The following ICAM5 variants were observed in gnomAD, a reference collection of about 807,000 sequenced individuals.
ICAM5 encodes intercellular adhesion molecule 5.
In ICAM5, 38 loss-of-function variants were observed where a neutral mutation model predicts 78.8. The observed-to-expected ratio is 0.48, with a 90% CI of 0.37 to 0.63. The LOEUF is 0.63. Among genes scored for constraint, ICAM5 ranks in the 30% least tolerant of loss-of-function variants. The probability of loss-of-function intolerance (pLI) is 0.00; values close to 1 mark genes in which losing one functional copy is unlikely to be tolerated. For synonymous variants in ICAM5, 544 were observed against 590.9 expected, an observed-to-expected ratio of 0.92 and a Z score of 1.15; for missense variants, 1,059 against 1,303.0, an observed-to-expected ratio of 0.81 and a Z score of 2.88.
At position 10,295,611 on chromosome 19, in the gene ICAM5, C is replaced by T; in HGVS notation, c.2496C>T (p.Ala832=). The change falls in exon 10 of 11, where the codon GCC becomes GCT. Residue 832 remains alanine (A), a splice_region_variant and synonymous_variant. Transcript: ENST00000221980. The stretch of plus-strand genomic sequence containing the variant: ...CGCGGCGCATCACGGTGCGCGTGGC[C>T]GGTAAGTGGCAGCTGGGGAGAGGCG... The part of the protein sequence containing the change: ...RHARRITVRV[A]GPWLWVAVGG... The T allele has an allele frequency of 1.3e-6, 2 of 1,539,344 alleles. No homozygotes were observed. Among genetic ancestry groups the T allele is most frequent in the Non-Finnish European group, 1.7e-6 (2 of 1,144,682 alleles).
chr19:10,294,260 C>T lies in ICAM5; in HGVS notation c.1932C>T (p.Val644=). 2 of 1,613,890 alleles carry T rather than the reference C, an allele frequency of 1.2e-6. No individual in the cohort carries two copies. Among genetic ancestry groups the T allele is most frequent in the Non-Finnish European group, 1.7e-6 (2 of 1,180,014 alleles). Residue 644 remains valine, a synonymous_variant, in exon 8 of 11, where the codon GTC becomes GTT. Transcript: ENST00000221980. The surrounding 1 kb of genome is among the most constrained non-coding windows in gnomAD (Gnocchi z 7.7). Reference sequence around the variant, plus strand: ...GAGTCCTGGCACCCGGTATCTACGTCTGCAACGCCACCAACCGCCACGGCT... The same window carrying T: ...GAGTCCTGGCACCCGGTATCTACGTTTGCAACGCCACCAACCGCCACGGCT... ...IPRVLAPGIY[V]CNATNRHGSV...
intron 10 of ICAM5, 118 bp downstream of exon 10, chr19:10,295,730 G>C: frequency 1.6e-6 from 2 of 1,212,550 alleles, no homozygotes; most frequent in Non-Finnish European, 2.2e-6. Context: ...ACGGAAGTGG[G>C]ACAGAGTAGA....
At chr19:10,291,899 G>A in intron 3 of ICAM5, 90 bp downstream of exon 3, 2 of 1,497,342 alleles carry the variant, frequency 1.3e-6, no homozygotes, top group Non-Finnish European at 1.8e-6. Context: ...TGCTGACCCC[G>A]ACTTCAACCC....
intron 10 of ICAM5, 31 bp downstream of exon 10, chr19:10,295,643 G>A: frequency 6.6e-7 from 1 of 1,525,486 alleles, no homozygotes; most frequent in Non-Finnish European, 8.8e-7. Context: ...GGCGGGGCGA[G>A]GTATCTGAGA....
chr19:10,290,334 C>T lies in ICAM5; in HGVS notation c.82+209C>T. The T allele has an allele frequency of 2.0e-6, 1 of 499,384 alleles. No individual in the cohort carries two copies. The highest frequency in any genetic ancestry group is 3.5e-6 in the Non-Finnish European group (1 of 282,554). The allele number at this position is 499,384 out of a possible 1,614,324, so 30.9% of individuals were successfully genotyped here. On this transcript the variant is annotated intron_variant, in intron 1 of 10. Transcript: ENST00000221980. The surrounding 1 kb of genome is among the most constrained non-coding windows in gnomAD (Gnocchi z 5.7). ...ACTCCTCGATAGCCCCTACCCGCTT[C>T]GAGATCCTAGGTGTTCTTCCGCACC...
At position 10,290,492 on chromosome 19, in the gene ICAM5, C is replaced by T. The variant is rs2145026533; in HGVS notation, c.82+367C>T. On this transcript the variant is annotated intron_variant, in intron 1 of 10. Coordinates refer to ENST00000221980, the MANE Select transcript of ICAM5 (RefSeq NM_003259.4). The surrounding 1 kb of genome is among the most constrained non-coding windows in gnomAD (Gnocchi z 5.7). ...GTCCGCGAAGACTCCATCTCTCCAA[C>T]TACCCTGACTCAGAGGCGCTGTTCC... is the stretch of plus-strand genomic sequence containing the variant. The T allele has an allele frequency of 4.1e-6, 1 of 245,810 alleles. No individual in the cohort carries two copies. Among genetic ancestry groups the T allele is most frequent in the Admixed American group, 5.1e-5 (1 of 19,720 alleles). 15.2% of individuals were successfully genotyped at this position (245,810 alleles called of 1,614,324 possible).
Position 10,294,180 on chromosome 19 carries a change from G to A in ICAM5, c.1852G>A (p.Val618Met), listed in dbSNP as rs763538042. 14 of 1,613,774 alleles carry A rather than the reference G, an allele frequency of 8.7e-6. No individual in the cohort carries two copies. The highest frequency in any genetic ancestry group is 1.1e-5 in the Non-Finnish European group (13 of 1,179,988). ...GGGCTCCGGGGGCGCCACTGAGGGG[G>A]TGCTGCTGCCGCTGGCACCCCCAGA... ...CVGSGGATEG[V>M]LLPLAPPDPS... The change falls in exon 8 of 11, where the codon GTG (valine) becomes ATG (methionine). Residue 618 changes from valine to methionine, a missense_variant. Val to Met is a conservative substitution (Grantham distance 21). Around this residue, in one of 3 missense-constraint regions of ICAM5, gnomAD observed 815 missense variants for 952.8 expected, o/e 0.86. Coordinates refer to ENST00000221980, the MANE Select transcript of ICAM5 (RefSeq NM_003259.4). The surrounding 1 kb of genome is among the most constrained non-coding windows in gnomAD (Gnocchi z 7.7).
In ICAM5 at chr19:10,295,028, G is replaced by T. The variant is rs563635509; in HGVS notation, c.2231-318G>T. On this transcript the variant is annotated intron_variant, in intron 9 of 10. Transcript: ENST00000221980. ...GCCGAGATCCCGCCACTGCACTCCA[G>T]CCTGGGCAACAGAGTGAGACTCTTT... 1.1e-4 allele frequency among the ~76,000 whole-genome samples: 17 copies of T among 152,322 alleles called. 1 individual carries two copies. In the East Asian group the frequency reaches 3.1e-3, roughly 28 times the overall value.
chr19:10,291,073 G>T lies in ICAM5; in HGVS notation c.84G>T (p.Ala28=). ...ALGLGLFGLS[A]VSQEPFWADL... ...CTCAGCCCGCGTTTCCCTGGGCAGCGGTCTCGCAGGAGCCCTTCTGGGCGG... is the reference window on the plus strand; with the variant it reads ...CTCAGCCCGCGTTTCCCTGGGCAGCTGTCTCGCAGGAGCCCTTCTGGGCGG... The change falls in exon 2 of 11, where the codon GCG becomes GCT. Residue 28 remains alanine (A), a splice_region_variant and synonymous_variant. Transcript: ENST00000221980. The T allele has an allele frequency of 1.9e-6, 3 of 1,605,172 alleles. No homozygotes were observed. Among genetic ancestry groups the T allele is most frequent in the Non-Finnish European group, 2.6e-6 (3 of 1,175,486 alleles).
Position 10,290,068 on chromosome 19 carries a change from C to T in ICAM5, c.25C>T (p.Arg9Cys). ...GATGCCAGGGCCTTCGCCAGGGCTG[C>T]GCCGGGCGCTACTCGGCCTCTGGGC... MPGPSPGLRRALLGLWAAL... is the reference protein window; with the variant it reads MPGPSPGLCRALLGLWAAL... The change falls in exon 1 of 11, where the codon CGC becomes TGC. Residue 9 changes from arginine (R) to cysteine (C), a missense_variant. Physicochemically the swap from Arg to Cys is radical, Grantham distance 180. Around this residue, in one of 3 missense-constraint regions of ICAM5, gnomAD observed 815 missense variants for 952.8 expected, o/e 0.86. Coordinates refer to ENST00000221980, the MANE Select transcript of ICAM5 (RefSeq NM_003259.4). This position sits in a 1 kb window ranked among gnomAD's most constrained non-coding sequence, Gnocchi z 5.7. 6.5e-7 allele frequency: 1 copy of T among 1,542,708 alleles called. No homozygotes were observed.
rs1279739826 is a variant in ICAM5 at position 10,295,252 on chromosome 19, G to A, written c.2231-94G>A. The A allele has an allele frequency of 5.2e-6, 7 of 1,350,808 alleles. No individual in the cohort carries two copies. The East Asian group carries it at 8.0e-5, about 16-fold the overall frequency. The allele number at this position is 1,350,808 out of a possible 1,614,324, so 83.7% of individuals were successfully genotyped here. On this transcript the variant is annotated intron_variant, in intron 9 of 10. Coordinates refer to ENST00000221980, the MANE Select transcript of ICAM5 (RefSeq NM_003259.4). Reference sequence around the variant, plus strand: ...ATCCTCTTCTGCCCATCAGAGGCGCGGTGGTCTCCCATCGATCGTTGTGGG... The same window carrying A: ...ATCCTCTTCTGCCCATCAGAGGCGCAGTGGTCTCCCATCGATCGTTGTGGG...
chr19:10,295,218 G>C lies in ICAM5; in HGVS notation c.2231-128G>C, dbSNP rs1325757864. ...ATTGTCGGGGAAGGAGGCTCTGATA[G>C]GAGGCAGGATCCTCTTCTGCCCATC... On this transcript the variant is annotated intron_variant, in intron 9 of 10. Transcript: ENST00000221980. 5.7e-6 allele frequency: 6 copies of C among 1,049,748 alleles called. No homozygotes were observed. In the East Asian group the frequency reaches 8.5e-5, roughly 15 times the overall value. The allele number at this position is 1,049,748 out of a possible 1,614,324, so 65.0% of individuals were successfully genotyped here. A position where few individuals can be genotyped will look rare whatever the true frequency, so the allele number is the denominator to read the frequency against.
chr19:10,293,165 C>T lies in ICAM5; in HGVS notation c.1384C>T (p.Arg462Trp), dbSNP rs1196172489. The T allele has an allele frequency of 2.5e-6, 4 of 1,611,428 alleles. No homozygotes were observed. The highest frequency in any genetic ancestry group is 3.4e-6 in the Non-Finnish European group (4 of 1,179,166). ...TCTGGGCCTGCTGGGTCCAGTCACT[C>T]GGGCGCTCTCAGGCACTTACCGCTG... ...LALGLLGPVT[R>W]ALSGTYRCKA... is the part of the protein sequence containing the mutation. The change falls in exon 6 of 11, where the codon CGG (arginine) becomes TGG (tryptophan). Residue 462 changes from arginine to tryptophan, a missense_variant. Physicochemically the swap from Arg to Trp is moderately radical, Grantham distance 101 (BLOSUM62 -3). Around this residue, in one of 3 missense-constraint regions of ICAM5, gnomAD observed 815 missense variants for 952.8 expected, o/e 0.86. Transcript: ENST00000221980. This position sits in a 1 kb window ranked among gnomAD's most constrained non-coding sequence, Gnocchi z 5.0.
At position 10,296,610 on chromosome 19, in the gene ICAM5, G is replaced by T. The variant is rs188344435; in HGVS notation, c.2769G>T (p.Ser923=). Residue 923 remains serine, a synonymous_variant, in exon 11 of 11, where the codon TCG becomes TCT. Coordinates refer to ENST00000221980, the MANE Select transcript of ICAM5 (RefSeq NM_003259.4). The part of the protein sequence containing the change: ...EGEVFAIQLT[S]A Reference sequence around the variant, plus strand: ...AGGTCTTCGCCATACAGCTGACATCGGCGTGAGCCCGCTCCCCTCTCCCCG... The same window carrying T: ...AGGTCTTCGCCATACAGCTGACATCTGCGTGAGCCCGCTCCCCTCTCCCCG... The T allele has an allele frequency of 5.4e-5, 66 of 1,211,776 alleles. No homozygotes were observed. In the East Asian group the frequency reaches 2.0e-3, roughly 37 times the overall value. 75.1% of individuals were successfully genotyped at this position (1,211,776 alleles called of 1,614,324 possible).
Position 10,292,694 on chromosome 19 carries a change from C to T in ICAM5, c.1044C>T (p.Ala348=). 6.2e-7 allele frequency: 1 copy of T among 1,612,454 alleles called. No homozygotes were observed. Among genetic ancestry groups the T allele is most frequent in the Non-Finnish European group, 8.5e-7 (1 of 1,179,580 alleles). ...TGACAGTAACCTGCGCAGCTGGGGCCCAAGCTCTGGTCACACTGGAGGGAG... is the reference window on the plus strand; with the variant it reads ...TGACAGTAACCTGCGCAGCTGGGGCTCAAGCTCTGGTCACACTGGAGGGAG... The part of the protein sequence containing the change: ...QMVTVTCAAG[A]QALVTLEGVP... The change falls in exon 5 of 11, where the codon GCC becomes GCT. Residue 348 remains alanine, a synonymous_variant. Transcript: ENST00000221980.
At chr19:10,295,684 G>A in intron 10 of ICAM5, 72 bp downstream of exon 10, 1 of 1,443,010 alleles carries the variant, frequency 6.9e-7, no homozygotes, top group Non-Finnish European at 9.2e-7. Context: ...GGGGCGGCCG[G>A]CCCCGCCTGC....
At position 10,293,622 on chromosome 19, in the gene ICAM5, T is replaced by C; in HGVS notation, c.1466-76T>C. 5 of 1,548,826 alleles carry C rather than the reference T, an allele frequency of 3.2e-6. No homozygotes were observed. The highest frequency in any genetic ancestry group is 2.4e-5 in the South Asian group (2 of 82,306). ...CAGGGACAACACTTCGTGGAAGCCT[T>C]GCCGCGCCAAGGAGGGTCTAGGGAC... is the stretch of plus-strand genomic sequence containing the variant. On this transcript the variant is annotated intron_variant, in intron 6 of 10. Transcript: ENST00000221980. The surrounding 1 kb of genome is among the most constrained non-coding windows in gnomAD (Gnocchi z 5.0).
At position 10,290,418 on chromosome 19, in the gene ICAM5, C is replaced by A. The variant is rs547914396; in HGVS notation, c.82+293C>A. On this transcript the variant is annotated intron_variant, in intron 1 of 10. Transcript: ENST00000221980. This position sits in a 1 kb window ranked among gnomAD's most constrained non-coding sequence, Gnocchi z 5.7. The stretch of plus-strand genomic sequence containing the variant: ...TGTCCGCTCCCCGGGTACCTCCTTA[C>A]GCTGTGCTGTGCACCATGGTCCACG... 2 of 398,298 alleles carry A rather than the reference C, an allele frequency of 5.0e-6. No individual in the cohort carries two copies. The highest frequency in any genetic ancestry group is 9.0e-6 in the Non-Finnish European group (2 of 221,130). 24.7% of individuals were successfully genotyped at this position (398,298 alleles called of 1,614,324 possible). A position where few individuals can be genotyped will look rare whatever the true frequency, so the allele number is the denominator to read the frequency against.
rs1422844846 is a variant in ICAM5, at chr19:10,293,927, G to A, written c.1695G>A (p.Val565=). Residue 565 remains valine, a synonymous_variant, in exon 7 of 11, where the codon GTG becomes GTA. Coordinates refer to ENST00000221980, the MANE Select transcript of ICAM5 (RefSeq NM_003259.4). The surrounding 1 kb of genome is among the most constrained non-coding windows in gnomAD (Gnocchi z 5.0). ...TNPRGSAAKN[V]AVTVEYGPRF... is the part of the protein sequence containing the mutation. The stretch of plus-strand genomic sequence containing the variant: ...CTCGGGGCTCTGCGGCCAAAAATGT[G>A]GCCGTCACGGTGGAATGTGAGTAGG... The A allele has an allele frequency of 1.2e-6, 2 of 1,611,878 alleles. No homozygotes were observed. Among genetic ancestry groups the A allele is most frequent in the Non-Finnish European group, 1.7e-6 (2 of 1,179,732 alleles).
Sources: allele counts gnomAD v4.1 joint callset (sites outside exome capture counted in the v4.1 genomes callset), GRCh38; gene constraint gnomAD v4.1.1; regional missense constraint gnomAD v4.1.1; non-coding constraint Gnocchi (gnomAD v3.1); transcripts MANE v1.5; gene names NCBI Gene and HGNC (gene_info 2026-07-23, HGNC 2026-07-21).